ST6GALNAC5: variants seen among roughly 807,000 people sequenced by gnomAD.
The protein encoded by ST6GALNAC5 is ST6 N-acetylgalactosaminide alpha-2,6-sialyltransferase 5.
ST6GALNAC5 carries 27 observed loss-of-function variants against 33.6 expected under a neutral mutation model. The ratio of observed to expected loss-of-function variants is 0.80; its 90% CI spans 0.59 to 1.11. The LOEUF (loss-of-function observed/expected upper bound fraction) is 1.11, where lower values mean the gene tolerates loss of function less well. Among genes scored for constraint, ST6GALNAC5 ranks in the 50% least tolerant of loss-of-function variants. The pLI, the probability that ST6GALNAC5 is intolerant of heterozygous loss-of-function variation, is 0.00. For missense variants in ST6GALNAC5, 428 were observed against 454.0 expected, an observed-to-expected ratio of 0.94 and a Z score of 0.52; for synonymous variants, 194 against 171.2, an observed-to-expected ratio of 1.13 and a Z score of -1.04.
At chr1:77,017,651 G>A (rs1213726271) in intron 2 of ST6GALNAC5, among the ~76,000 whole-genome samples, 6 of 152,170 alleles carry the variant, frequency 3.9e-5, no homozygotes, top group African/African-American at 2.4e-5. Context: ...CTGTTGACAC[G>A]TTACTAATAA....
At position 76,979,230 on chromosome 1, in the gene ST6GALNAC5, G is replaced by A. The variant is rs138745200; in HGVS notation, c.262-64974G>A. Among the ~76,000 whole-genome samples the A allele has an allele frequency of 2.3e-3, 350 of 151,890 alleles. 7 individuals carry two copies. The highest frequency in any genetic ancestry group is 7.6e-3 in the African/African-American group (317 of 41,468). On this transcript the variant is annotated intron_variant, in intron 2 of 4. Coordinates refer to ENST00000477717, the MANE Select transcript of ST6GALNAC5 (RefSeq NM_030965.3). ...GCTGCAGATTCAATGCAATCCCTAC[G>A]AAAATACCAAAGACATTCTTTACAG...
chr1:76,945,487 GT>G (rs1363353082), intron 2 of ST6GALNAC5, among the ~76,000 whole-genome samples: 1 of 152,012 alleles, frequency 6.6e-6, no homozygotes, highest in African/African-American at 2.4e-5. Flanking sequence ...CAGGTGTTAT[GT>G]TTCTCTATTT....
At chr1:76,909,278 C>A (rs891255187) in intron 2 of ST6GALNAC5, among the ~76,000 whole-genome samples, 6 of 152,050 alleles carry the variant, frequency 3.9e-5, no homozygotes, top group African/African-American at 7.2e-5. Flanking sequence ...GGCCAGAATC[C>A]ACATCTTGGC....
At chr1:76,917,655 AAT>A (rs993279377) in intron 2 of ST6GALNAC5, among the ~76,000 whole-genome samples, 3 of 151,210 alleles carry the variant, frequency 2.0e-5, no homozygotes, top group Non-Finnish European at 4.4e-5. Context: ...AATATATAAA[AAT>A]ATATATTTAT....
At chr1:76,969,384 C>G (rs780985587) in intron 2 of ST6GALNAC5, among the ~76,000 whole-genome samples, 1 of 152,182 alleles carries the variant, frequency 6.6e-6, no homozygotes, top group Non-Finnish European at 1.5e-5. Flanking sequence ...TATCCCATGC[C>G]GGGTTCAGCA....
At chr1:76,895,770 C>G (rs145166941) in intron 2 of ST6GALNAC5, among the ~76,000 whole-genome samples, 12 of 151,854 alleles carry the variant, frequency 7.9e-5, no homozygotes, top group Non-Finnish European at 1.6e-4. Flanking sequence ...TATGACTAGA[C>G]AGAAGATAGT....
intron 2 of ST6GALNAC5, among the ~76,000 whole-genome samples, chr1:76,929,578 T>C (rs1430541061): frequency 1.3e-5 from 2 of 152,084 alleles, no homozygotes; most frequent in Admixed American, 1.3e-4. Flanking sequence ...CTTTGCTACT[T>C]GGATCATAGT....
At chr1:76,921,232 A>G (rs1158891042) in intron 2 of ST6GALNAC5, among the ~76,000 whole-genome samples, 1 of 152,150 alleles carries the variant, frequency 6.6e-6, no homozygotes, top group Non-Finnish European at 1.5e-5. Context: ...AGAAAGAGAG[A>G]AAAACATCCT....
chr1:76,933,927 A>G (rs542851463), intron 2 of ST6GALNAC5, among the ~76,000 whole-genome samples: 14 of 152,152 alleles, frequency 9.2e-5, no homozygotes, highest in Admixed American at 7.2e-4. Flanking sequence ...CCTTTGTCTT[A>G]CATTCTTAAT....
rs568579404 is a variant in ST6GALNAC5 at position 76,939,266 on chromosome 1, C to T, written c.261+70524C>T. 1.1e-4 allele frequency among the ~76,000 whole-genome samples: 17 copies of T among 152,110 alleles called. No homozygotes were observed. In the East Asian group the frequency reaches 1.7e-3, roughly 16 times the overall value. ...TGCATTAACAAGGAGCCAGTTCTGG[C>T]GATAGGAAAGCGAAACAACATTATT... is the stretch of plus-strand genomic sequence containing the variant. On this transcript the variant is annotated intron_variant, in intron 2 of 4. Transcript: ENST00000477717.
chr1:76,874,471 C>T (rs918206033), intron 2 of ST6GALNAC5, among the ~76,000 whole-genome samples: 2 of 152,096 alleles, frequency 1.3e-5, no homozygotes, highest in African/African-American at 2.4e-5. Flanking sequence ...TTAACTTACA[C>T]GATCACAGCT....
chr1:76,978,716 CA>C (rs1649127029), intron 2 of ST6GALNAC5, among the ~76,000 whole-genome samples: 1 of 152,136 alleles, frequency 6.6e-6, no homozygotes, highest in Non-Finnish European at 1.5e-5. Flanking sequence ...AGACTTGAAA[CA>C]AGACAAGAAT....
chr1:77,059,240 T>C (rs1409097127), intron 4 of ST6GALNAC5, among the ~76,000 whole-genome samples: 1 of 152,200 alleles, frequency 6.6e-6, no homozygotes, highest in African/African-American at 2.4e-5. Context: ...ACAGGCATTA[T>C]TGAGATTTTA....
chr1:76,952,878 A>G (rs1474666348), intron 2 of ST6GALNAC5, among the ~76,000 whole-genome samples: 2 of 152,036 alleles, frequency 1.3e-5, no homozygotes. Flanking sequence ...CCATCCTCTC[A>G]CAACTACTAA....
intron 2 of ST6GALNAC5, among the ~76,000 whole-genome samples, chr1:77,032,059 A>G (rs923507484): frequency 1.3e-5 from 2 of 152,120 alleles, no homozygotes; most frequent in African/African-American, 4.8e-5. Flanking sequence ...CTTAAATATT[A>G]TTATTATCTC....
chr1:76,913,538 C>G lies in ST6GALNAC5; in HGVS notation c.261+44796C>G, dbSNP rs143205255. 1.0e-3 allele frequency among the ~76,000 whole-genome samples: 158 copies of G among 152,200 alleles called. 1 individual carries two copies. Among genetic ancestry groups the G allele is most frequent in the African/African-American group, 3.7e-3 (153 of 41,536 alleles). ...TTTTCCAACTTGGTTCCATTCTCCC[C>G]GTCACTTTCAGGTAAACCAATCAGA... is the stretch of plus-strand genomic sequence containing the variant. On this transcript the variant is annotated intron_variant, in intron 2 of 4. Coordinates refer to ENST00000477717, the MANE Select transcript of ST6GALNAC5 (RefSeq NM_030965.3).
chr1:76,979,103 G>A (rs902711135), intron 2 of ST6GALNAC5, among the ~76,000 whole-genome samples: 8 of 151,914 alleles, frequency 5.3e-5, no homozygotes, highest in African/African-American at 1.7e-4. Context: ...ATAAAACATG[G>A]ATGAAAGAAA....
At position 76,868,595 on chromosome 1, in the gene ST6GALNAC5, GCAGCAGCAGCAGCAGCAGCAA is replaced by G. The variant is rs768747949; in HGVS notation, c.127_147del (p.Gln43_Gln49del). On this transcript the variant is annotated inframe_deletion, in exon 2 of 5. Transcript: ENST00000477717. The surrounding 1 kb of genome is among the most constrained non-coding windows in gnomAD (Gnocchi z 4.3). ...GCGGCCAGAAGGAGCGGCCCCCGCA[GCAGCAGCAGCAGCAGCAGCAA>G]CAGCAGCAGCAGGCGTCGGCCACCG... The G allele has an allele frequency of 1.2e-5, 20 of 1,604,186 alleles. No individual in the cohort carries two copies. Among genetic ancestry groups the G allele is most frequent in the Admixed American group, 1.0e-4 (6 of 59,726 alleles).
intron 2 of ST6GALNAC5, among the ~76,000 whole-genome samples, chr1:77,032,388 A>G (rs927372999): frequency 1.3e-5 from 2 of 152,138 alleles, no homozygotes; most frequent in Non-Finnish European, 2.9e-5. Flanking sequence ...TGGGTGAAAA[A>G]GATAGTGAGT....
Sources: gnomAD v4.1 joint callset for allele counts (sites outside exome capture counted in the v4.1 genomes callset) on GRCh38, gnomAD v4.1.1 for gene constraint, Gnocchi (gnomAD v3.1) non-coding constraint, MANE v1.5 for transcripts, NCBI Gene and HGNC (gene_info 2026-07-23, HGNC 2026-07-21) for gene names.